Variants in PRH1 observed in about 807,000 individuals in gnomAD.
PRH1 encodes the protein salivary acidic proline-rich phosphoprotein 1/2.
In PRH1, 7 loss-of-function variants were observed where a neutral mutation model predicts 7.9. That is an observed-to-expected ratio of 0.89 (90% confidence interval 0.50 to 1.67). The LOEUF (loss-of-function observed/expected upper bound fraction) is 1.67. Among genes scored for constraint, PRH1 ranks in the 40% most tolerant of loss-of-function variants. The probability of loss-of-function intolerance (pLI) is 0.00; values close to 1 mark genes in which losing one functional copy is unlikely to be tolerated. For synonymous variants in PRH1, 45 were observed against 80.8 expected (o/e 0.56, Z 2.38); for missense variants, 109 against 223.6 (o/e 0.49, Z 3.27).
intron 1 of PRH1, among the ~76,000 whole-genome samples, chr12:11,025,243 T>C (rs1457733570): frequency 6.6e-6 from 1 of 152,118 alleles, no homozygotes; most frequent in South Asian, 2.1e-4. Flanking sequence ...TGGATTGTCA[T>C]TAATTTGTAA....
intron 1 of PRH1, among the ~76,000 whole-genome samples, chr12:11,136,871 G>T (rs2923860): frequency 0.46 from 69,178 of 151,964 alleles, 16,543 homozygotes; most frequent in Non-Finnish European, 0.53. Context: ...ATGAAAATGT[G>T]AGCCAGGCAT....
At chr12:11,023,369 GAAT>G (rs1239578507) in intron 1 of PRH1, among the ~76,000 whole-genome samples, 1 of 152,134 alleles carries the variant, frequency 6.6e-6, no homozygotes, top group Non-Finnish European at 1.5e-5. Context: ...GTCAGACAAT[GAAT>G]AATATTTATC....
At position 11,062,004 on chromosome 12, in the gene PRH1, C is replaced by T. The variant is rs1943627386; in HGVS notation, n.124-14816G>A. The T allele has an allele frequency of 1.9e-6, 3 of 1,613,636 alleles. No homozygotes were observed. The East Asian group carries it at 6.7e-5, about 36-fold the overall frequency. On this transcript the variant is annotated intron_variant and non_coding_transcript_variant, in intron 1 of 4. Coordinates refer to the PRH1 transcript ENST00000541977. ...AAAATATGCTGAGGCTAGTAGCAAG[C>T]CAGTTGCTGAAATGGTTGATTACTG...
chr12:11,021,398 G>T (rs1420140854), intron 1 of PRH1, among the ~76,000 whole-genome samples: 4,451 of 51,428 alleles, frequency 0.087, no homozygotes, highest in East Asian at 0.21. Context: ...ACTATACAAT[G>T]AACTATAATA....
chr12:11,096,938 C>T (rs1945084807), intron 1 of PRH1, among the ~76,000 whole-genome samples: 1 of 113,498 alleles, frequency 8.8e-6, no homozygotes, highest in East Asian at 2.1e-4. Flanking sequence ...GCTGGGACTA[C>T]AGGCACCCAC....
At chr12:10,980,792 A>G (rs955123233) in intron 1 of PRH1, among the ~76,000 whole-genome samples, 1 of 152,182 alleles carries the variant, frequency 6.6e-6, no homozygotes, top group African/African-American at 2.4e-5. Context: ...TAAGGAAAAA[A>G]TCAGGAGAGG....
intron 2 of PRH1, among the ~76,000 whole-genome samples, chr12:10,954,627 C>A (rs1937862441): frequency 6.6e-6 from 1 of 152,102 alleles, no homozygotes. Context: ...ACCACCATGA[C>A]TGGCTAATTT....
chr12:10,984,996 T>C (rs906663310), intron 1 of PRH1, among the ~76,000 whole-genome samples: 7 of 152,044 alleles, frequency 4.6e-5, no homozygotes, highest in African/African-American at 1.7e-4. Flanking sequence ...CAAGTTCTTT[T>C]ATGTGAAGTT....
At chr12:10,895,075 C>T (rs1375921568) in intron 2 of PRH1, 3 of 152,182 alleles carry the variant, frequency 2.0e-5, no homozygotes, top group South Asian at 2.1e-4. Context: ...AAAATACCAG[C>T]ACACTACTAA....
chr12:10,985,845 G>T (rs1225972750), intron 1 of PRH1: 7 of 1,190,014 alleles, frequency 5.9e-6, no homozygotes, highest in Non-Finnish European at 8.2e-6. Context: ...ATACACTACA[G>T]AAAAAACAGT....
chr12:11,141,649 T>C (rs1946707589), intron 1 of PRH1, among the ~76,000 whole-genome samples: 1 of 152,204 alleles, frequency 6.6e-6, no homozygotes, highest in Non-Finnish European at 1.5e-5. Context: ...CTTTGGATAG[T>C]CTTTCTGAGG....
In PRH1 at chr12:11,088,609, G is replaced by A. The variant is rs1425452788; in HGVS notation, n.124-41421C>T. On this transcript the variant is annotated intron_variant and non_coding_transcript_variant, in intron 1 of 4. Coordinates refer to the PRH1 transcript ENST00000541977. Reference sequence around the variant, plus strand: ...TTCCTATCACTACAAAAGAGACCCAGTATTTTGGGGGCCTATTGGGATTTT... The same window carrying A: ...TTCCTATCACTACAAAAGAGACCCAATATTTTGGGGGCCTATTGGGATTTT... 2.0e-4 allele frequency among the ~76,000 whole-genome samples: 22 copies of A among 111,244 alleles called. 3 individuals are homozygous for A. Among genetic ancestry groups the A allele is most frequent in the African/African-American group, 6.6e-4 (22 of 33,116 alleles). 73.0% of individuals were successfully genotyped at this position (111,244 alleles called of 152,430 possible). A position where few individuals can be genotyped will look rare whatever the true frequency, so the allele number is the denominator to read the frequency against.
chr12:11,120,238 A>T (rs138886666), downstream of PRH1, among the ~76,000 whole-genome samples: 174 of 152,324 alleles, frequency 1.1e-3, no homozygotes, highest in African/African-American at 4.0e-3. Flanking sequence ...ATCTTTGCCT[A>T]AAGTAATGTG....
chr12:11,045,768 C>G (rs1345844644), intron 1 of PRH1, among the ~76,000 whole-genome samples: 1 of 152,004 alleles, frequency 6.6e-6, no homozygotes, highest in African/African-American at 2.4e-5. Flanking sequence ...ATTTAATTTC[C>G]AAGATTCCTG....
intron 1 of PRH1, among the ~76,000 whole-genome samples, chr12:11,127,702 C>T (rs945033336): frequency 2.6e-5 from 4 of 152,396 alleles, no homozygotes; most frequent in Admixed American, 6.5e-5. Context: ...TTTTCTTACT[C>T]GGGCTTTTCA....
At chr12:10,995,970 C>A (rs1400199501) in intron 1 of PRH1, among the ~76,000 whole-genome samples, 1 of 151,834 alleles carries the variant, frequency 6.6e-6, no homozygotes, top group East Asian at 1.9e-4. Context: ...ATATTTTTCA[C>A]CCTTGAATTT....
At chr12:11,078,403 C>A (rs796650853) in intron 1 of PRH1, 57,352 of 147,570 alleles carry the variant, frequency 0.39, 10,334 homozygotes, top group Non-Finnish European at 0.45. Context: ...AAGCACCAGC[C>A]TATGCTAATG....
chr12:11,114,052 T>C (rs1168711259), intron 1 of PRH1, among the ~76,000 whole-genome samples: 1 of 152,112 alleles, frequency 6.6e-6, no homozygotes, highest in Non-Finnish European at 1.5e-5. Context: ...TTTACACTGT[T>C]GGTGGGAGTG....
intron 1 of PRH1, among the ~76,000 whole-genome samples, chr12:11,069,340 G>T (rs1258280163): frequency 6.6e-6 from 1 of 152,104 alleles, no homozygotes; most frequent in African/African-American, 2.4e-5. Flanking sequence ...ACGCTTGTCT[G>T]TTAACTGATT....
Sources: gnomAD v4.1 joint callset for allele counts (sites outside exome capture counted in the v4.1 genomes callset) on GRCh38, gnomAD v4.1.1 for gene constraint, MANE v1.5 for transcripts, NCBI Gene and HGNC (gene_info 2026-07-23, HGNC 2026-07-21) for gene names.